The following AMZ2 variants were observed in gnomAD, a reference collection of about 807,000 sequenced individuals.
AMZ2 encodes the protein archaemetzincin-2.
A neutral mutation model predicts 36.7 loss-of-function variants in AMZ2; 26 were observed. The observed-to-expected ratio is 0.71, with a 90% CI of 0.52 to 0.98. The LOEUF (loss-of-function observed/expected upper bound fraction) is 0.98. AMZ2 is among the 50% of genes least tolerant of loss of function. The probability of loss-of-function intolerance (pLI) is 0.00; values close to 1 mark genes in which losing one functional copy is unlikely to be tolerated. For missense variants in AMZ2, 394 were observed against 430.5 expected (o/e 0.92, Z 0.75); for synonymous variants, 144 against 149.1 (o/e 0.97, Z 0.25).
chr17:68,243,417 G>A (rs1441146492), upstream of AMZ2, among the ~76,000 whole-genome samples: 2 of 152,332 alleles, frequency 1.3e-5, no homozygotes, highest in Non-Finnish European at 2.9e-5. Flanking sequence ...TTACAGGCAT[G>A]AGCCACTGTG....
In AMZ2 at chr17:68,257,085, C is replaced by A; in HGVS notation, c.*116C>A. ...TCTTGTGCTGTGTCAAAGTAACAGA[C>A]TAGAACCTTCTTTCAAGTACCTGAA... On this transcript the variant is annotated 3_prime_UTR_variant, in exon 7 of 7. Coordinates refer to ENST00000359904, the MANE Select transcript of AMZ2 (RefSeq NM_016627.5). 2 of 1,060,000 alleles carry A rather than the reference C, an allele frequency of 1.9e-6. No homozygotes were observed. Among genetic ancestry groups the A allele is most frequent in the Non-Finnish European group, 2.7e-6 (2 of 750,894 alleles). 65.7% of individuals were successfully genotyped at this position (1,060,000 alleles called of 1,614,324 possible). A position where few individuals can be genotyped will look rare whatever the true frequency, so the allele number is the denominator to read the frequency against.
chr17:68,234,689 G>C (rs1359801440), intron 1 of AMZ2, among the ~76,000 whole-genome samples: 1 of 151,942 alleles, frequency 6.6e-6, no homozygotes, highest in Non-Finnish European at 1.5e-5. Context: ...AGGAATGCTT[G>C]AGCCCAGAAG....
intron 1 of AMZ2, among the ~76,000 whole-genome samples, chr17:68,213,115 A>G (rs1309379995): frequency 6.6e-6 from 1 of 152,206 alleles, no homozygotes; most frequent in Non-Finnish European, 1.5e-5. Flanking sequence ...AGTAAAAGAC[A>G]ATACTTAACA....
At chr17:68,226,125 C>G (rs1395589256) in intron 1 of AMZ2, among the ~76,000 whole-genome samples, 2 of 151,958 alleles carry the variant, frequency 1.3e-5, no homozygotes, top group African/African-American at 4.8e-5. Flanking sequence ...CCGACTGGCC[C>G]GAAGTGGATT....
chr17:68,216,571 T>C (rs1555727296), intron 1 of AMZ2, among the ~76,000 whole-genome samples: 2 of 152,338 alleles, frequency 1.3e-5, no homozygotes, highest in Admixed American at 6.5e-5. Context: ...GAACGTATTT[T>C]ATGAGAGTAT....
At chr17:68,241,875 C>T (rs1364887669) in intron 1 of AMZ2, among the ~76,000 whole-genome samples, 14 of 151,046 alleles carry the variant, frequency 9.3e-5, no homozygotes, top group African/African-American at 3.2e-4. Context: ...AGGTGTGCAC[C>T]ACCACACCTG....
At chr17:68,225,944 G>A (rs1390469619) in intron 1 of AMZ2, among the ~76,000 whole-genome samples, 2 of 152,138 alleles carry the variant, frequency 1.3e-5, no homozygotes, top group African/African-American at 2.4e-5. Flanking sequence ...TTTTCAGCAT[G>A]TAATTAAGGC....
chr17:68,246,980 G>A (rs1306480143), upstream of AMZ2: 1 of 151,930 alleles, frequency 6.6e-6, no homozygotes, highest in African/African-American at 2.4e-5. Context: ...GGTGCGGGGG[G>A]GTGGATCACC....
intron 1 of AMZ2, among the ~76,000 whole-genome samples, chr17:68,218,396 C>G (rs1301677989): frequency 1.3e-5 from 2 of 151,972 alleles, no homozygotes; most frequent in Admixed American, 6.6e-5. Context: ...CACTATGTTG[C>G]CAGGCTGGTC....
At chr17:68,254,359 A>T in intron 4 of AMZ2, 45 bp from the exon 5 acceptor site, 1 of 1,565,676 alleles carries the variant, frequency 6.4e-7, no homozygotes, top group Non-Finnish European at 8.6e-7. Context: ...GTCTTTCTTC[A>T]GGGACCTTAC....
At position 68,248,454 on chromosome 17, in the gene AMZ2, G is replaced by A. The variant is rs879954767; in HGVS notation, c.-252G>A. 1 of 986,284 alleles carries A rather than the reference G, an allele frequency of 1.0e-6. No individual in the cohort carries two copies. Among genetic ancestry groups the A allele is most frequent in the Non-Finnish European group, 1.2e-6 (1 of 830,242 alleles). 61.1% of individuals were successfully genotyped at this position (986,284 alleles called of 1,614,324 possible). A position where few individuals can be genotyped will look rare whatever the true frequency, so the allele number is the denominator to read the frequency against. ...CAGCTCCTTCCCGTTTGCCCGTGAT[G>A]TTCTGGTTTTGGGACCAAAGCATCC... On this transcript the variant is annotated 5_prime_UTR_variant, in exon 1 of 7. It removes an upstream start codon present in the reference 5' UTR. Coordinates refer to ENST00000359904, the MANE Select transcript of AMZ2 (RefSeq NM_016627.5).
Position 68,254,524 on chromosome 17 carries a change from A to G in AMZ2, c.707A>G (p.Tyr236Cys), listed in dbSNP as rs2074746544. 6.2e-7 allele frequency: 1 copy of G among 1,613,042 alleles called. No homozygotes were observed. The highest frequency in any genetic ancestry group is 1.3e-5 in the African/African-American group (1 of 74,908). The change falls in exon 5 of 7, where the codon TAT becomes TGT. Residue 236 changes from tyrosine (Y) to cysteine (C), a missense_variant. Tyr to Cys is a radical substitution (Grantham distance 194, BLOSUM62 -2). Transcript: ENST00000359904. The stretch of plus-strand genomic sequence containing the variant: ...GACTATTCAATTTTCGACAACTATT[A>G]TATTCCAGAAATAACTAGTGTTTTA... ...SSDYSIFDNYYIPEITSVLLL... is the reference protein window; with the variant it reads ...SSDYSIFDNYCIPEITSVLLL...
At chr17:68,225,176 G>A (rs1325009412) in intron 1 of AMZ2, among the ~76,000 whole-genome samples, 2 of 151,770 alleles carry the variant, frequency 1.3e-5, no homozygotes, top group Non-Finnish European at 2.9e-5. Flanking sequence ...TGGGTGAAAG[G>A]TGACACTCTG....
At chr17:68,209,864 A>G (rs1014125632) in intron 1 of AMZ2, among the ~76,000 whole-genome samples, 1 of 150,312 alleles carries the variant, frequency 6.7e-6, no homozygotes, top group Admixed American at 6.6e-5. Flanking sequence ...CAGGTGATCC[A>G]CCCCCTTTGG....
intron 1 of AMZ2, among the ~76,000 whole-genome samples, chr17:68,224,686 C>T (rs1399933930): frequency 6.6e-6 from 1 of 152,092 alleles, no homozygotes; most frequent in South Asian, 2.1e-4. Context: ...ACTACAGAGG[C>T]GTGCGACAAC....
chr17:68,211,788 ATG>A (rs1434262374), intron 1 of AMZ2, among the ~76,000 whole-genome samples: 37 of 79,534 alleles, frequency 4.7e-4, no homozygotes, highest in African/African-American at 2.8e-3. Flanking sequence ...ATATATGTAT[ATG>A]TATATATGTG....
chr17:68,229,452 C>T (rs1180759089), intron 1 of AMZ2, among the ~76,000 whole-genome samples: 1 of 152,212 alleles, frequency 6.6e-6, no homozygotes, highest in Non-Finnish European at 1.5e-5. Context: ...CCCTGAGAAA[C>T]CTGTCTGGCT....
intron 1 of AMZ2, among the ~76,000 whole-genome samples, chr17:68,240,570 A>C (rs1555733805): frequency 6.6e-6 from 1 of 152,196 alleles, no homozygotes; most frequent in African/African-American, 2.4e-5. Flanking sequence ...AATACCAGAA[A>C]ATTTCTCAGA....
chr17:68,250,438 C>T lies in AMZ2; in HGVS notation c.251C>T (p.Pro84Leu), dbSNP rs782213799. 1 of 1,613,990 alleles carries T rather than the reference C, an allele frequency of 6.2e-7. No homozygotes were observed. Among genetic ancestry groups the T allele is most frequent in the African/African-American group, 1.3e-5 (1 of 74,902 alleles). The change falls in exon 2 of 7, where the codon CCA (proline) becomes CTA (leucine). Residue 84 changes from proline to leucine, a missense_variant. By Grantham distance (98) the Pro-to-Leu change is moderately conservative. Transcript: ENST00000359904. ...GATCCTTACAGAAAGACACCCTCTCCAAACAAACGCAGCATTTATATACAG... is the reference window on the plus strand; with the variant it reads ...GATCCTTACAGAAAGACACCCTCTCTAAACAAACGCAGCATTTATATACAG... ...FSDPYRKTPS[P>L]NKRSIYIQSI... is the part of the protein sequence containing the mutation.
Sources: allele counts gnomAD v4.1 joint callset (sites outside exome capture counted in the v4.1 genomes callset), GRCh38; gene constraint gnomAD v4.1.1; transcripts MANE v1.5; gene names NCBI Gene and HGNC (gene_info 2026-07-23, HGNC 2026-07-21).